The following XPO4 variants were observed in gnomAD, a reference collection of about 807,000 sequenced individuals.
XPO4 encodes exportin-4.
XPO4 carries 39 observed loss-of-function variants against 143.0 expected under a neutral mutation model. The observed-to-expected ratio is 0.27, with a 90% CI of 0.21 to 0.36. XPO4 has a LOEUF of 0.36. XPO4 is among the 10% of genes least tolerant of loss of function. XPO4 has a pLI of 1.00. For missense variants in XPO4, 907 were observed against 1,348.0 expected, an observed-to-expected ratio of 0.67 and a Z score of 5.12; for synonymous variants, 439 against 474.0, an observed-to-expected ratio of 0.93 and a Z score of 0.96.
chr13:20,885,975 G>A (rs188907539), intron 1 of XPO4, among the ~76,000 whole-genome samples: 9 of 152,226 alleles, frequency 5.9e-5, no homozygotes, highest in East Asian at 1.9e-4. Context: ...CAATTTATAC[G>A]TACAAAACAA....
At chr13:20,834,532 C>A (rs537231390) in intron 6 of XPO4, among the ~76,000 whole-genome samples, 1 of 151,522 alleles carries the variant, frequency 6.6e-6, no homozygotes, top group African/African-American at 2.4e-5. Flanking sequence ...ATGATTACAC[C>A]CCTGCACTCC....
chr13:20,792,231 A>G (rs1202288028), intron 18 of XPO4, among the ~76,000 whole-genome samples: 1 of 152,144 alleles, frequency 6.6e-6, no homozygotes, highest in East Asian at 1.9e-4. Flanking sequence ...AGATCCCCTG[A>G]GGCCAGGAGT....
chr13:20,830,768 T>C lies in XPO4; in HGVS notation c.728-3589A>G, dbSNP rs191902009. ...ATGTTTTAGTTATCAGACTGTACCA[T>C]GAAACTGCTGAAGTTGCTGCCCCGA... On this transcript the variant is annotated intron_variant, in intron 6 of 22. Coordinates refer to ENST00000255305, the MANE Select transcript of XPO4 (RefSeq NM_022459.5). 3.3e-3 allele frequency among the ~76,000 whole-genome samples: 507 copies of C among 152,286 alleles called. 4 individuals carry two copies. Among genetic ancestry groups the C allele is most frequent in the African/African-American group, 0.012 (487 of 41,558 alleles).
intron 7 of XPO4, among the ~76,000 whole-genome samples, chr13:20,823,118 T>C (rs2034078): frequency 0.38 from 57,580 of 151,980 alleles, 12,557 homozygotes; most frequent in Non-Finnish European, 0.5. Flanking sequence ...TTATTAATCT[T>C]AATCCATCCA....
intron 12 of XPO4, 44 bp downstream of exon 12, chr13:20,808,392 T>G (rs746582466): frequency 6.8e-7 from 1 of 1,480,210 alleles, no homozygotes; most frequent in African/African-American, 1.4e-5. Context: ...AGGCTTAAAT[T>G]GCTCAGTTGG....
At position 20,782,052 on chromosome 13, in the gene XPO4, A is replaced by G. The variant is rs1270805831; in HGVS notation, c.*1670T>C. 1.3e-5 allele frequency: 2 copies of G among 152,232 alleles called. No individual in the cohort carries two copies. Among genetic ancestry groups the G allele is most frequent in the African/African-American group, 4.8e-5 (2 of 41,452 alleles). The allele number at this position is 152,232 out of a possible 1,614,324, so 9.4% of individuals were successfully genotyped here. A position where few individuals can be genotyped will look rare whatever the true frequency, so the allele number is the denominator to read the frequency against. On this transcript the variant is annotated 3_prime_UTR_variant, in exon 23 of 23. Coordinates refer to ENST00000255305, the MANE Select transcript of XPO4 (RefSeq NM_022459.5). ...AAGCTAATCAAATTGAGAGAAATGT[A>G]AGTTATGGCCCAAGGCCCTGCATTC...
rs2059153130 is a variant in XPO4 at position 20,782,421 on chromosome 13, G to C, written c.*1301C>G. The C allele has an allele frequency of 6.6e-6, 1 of 152,484 alleles. No homozygotes were observed. The highest frequency in any genetic ancestry group is 2.1e-4 in the South Asian group (1 of 4,832). The allele number at this position is 152,484 out of a possible 1,614,324, so 9.4% of individuals were successfully genotyped here. On this transcript the variant is annotated 3_prime_UTR_variant, in exon 23 of 23. Transcript: ENST00000255305. Reference sequence around the variant, plus strand: ...TGGCACACTGAATTAGGGGAGCCTGGCAGCTGTATAAAAATCCTGATTAAG... The same window carrying C: ...TGGCACACTGAATTAGGGGAGCCTGCCAGCTGTATAAAAATCCTGATTAAG...
intron 10 of XPO4, 90 bp downstream of exon 10, chr13:20,809,701 C>T (rs1418497851): frequency 2.2e-6 from 3 of 1,385,220 alleles, no homozygotes; most frequent in Non-Finnish European, 1.9e-6. Context: ...GGAACCCATC[C>T]TAAATTTCTG....
chr13:20,899,498 G>A (rs576072163), intron 1 of XPO4, among the ~76,000 whole-genome samples: 6 of 152,094 alleles, frequency 3.9e-5, no homozygotes, highest in Non-Finnish European at 8.8e-5. Flanking sequence ...GCATAGAAGG[G>A]AGAATGCTTA....
intron 6 of XPO4, among the ~76,000 whole-genome samples, chr13:20,827,835 G>A (rs577002286): frequency 6.6e-6 from 1 of 152,278 alleles, no homozygotes; most frequent in South Asian, 2.1e-4. Flanking sequence ...TTTCAAACAT[G>A]CTTCAAACAG....
At chr13:20,793,883 T>C (rs2059319239) in intron 18 of XPO4, among the ~76,000 whole-genome samples, 1 of 152,208 alleles carries the variant, frequency 6.6e-6, no homozygotes, top group African/African-American at 2.4e-5. Context: ...AGAAATTATG[T>C]TACTCAAAGA....
In XPO4 at chr13:20,803,827, T is replaced by C. The variant is rs903904929; in HGVS notation, c.1818-2837A>G. 3.3e-5 allele frequency among the ~76,000 whole-genome samples: 5 copies of C among 152,114 alleles called. No homozygotes were observed. Among genetic ancestry groups the C allele is most frequent in the Non-Finnish European group, 7.4e-5 (5 of 68,020 alleles). ...GGCATCAAACCAGACTGACTCCATC[T>C]TGAGTGAGGGCTAGGAAAATGATGC... On this transcript the variant is annotated intron_variant, in intron 13 of 22. Transcript: ENST00000255305. The surrounding 1 kb of genome is among the most constrained non-coding windows in gnomAD (Gnocchi z 4.1).
chr13:20,858,001 T>C (rs1485796615), intron 3 of XPO4: 1 of 984,796 alleles, frequency 1.0e-6, no homozygotes, highest in Admixed American at 6.2e-5. Flanking sequence ...ATTCTACCTA[T>C]GCAGTATGCC....
At chr13:20,850,840 C>G (rs2060077798) in intron 4 of XPO4, 6 of 985,390 alleles carry the variant, frequency 6.1e-6, no homozygotes, top group Non-Finnish European at 6.0e-6. Context: ...CATACAGTTT[C>G]TGGCCAATGA....
At chr13:20,820,890 C>T (rs1314266486) in intron 9 of XPO4, among the ~76,000 whole-genome samples, 5 of 152,186 alleles carry the variant, frequency 3.3e-5, no homozygotes, top group African/African-American at 1.2e-4. Context: ...AAAATATCTA[C>T]ATTCTTTTTC....
In XPO4 at chr13:20,873,522, A is replaced by G. The variant is rs2060322124; in HGVS notation, c.70-4821T>C. Among the ~76,000 whole-genome samples, 4 of 152,176 alleles carry G rather than the reference A, an allele frequency of 2.6e-5. No homozygotes were observed. In the South Asian group the frequency reaches 8.3e-4, roughly 31 times the overall value. On this transcript the variant is annotated intron_variant, in intron 1 of 22. Coordinates refer to ENST00000255305, the MANE Select transcript of XPO4 (RefSeq NM_022459.5). Reference sequence around the variant, plus strand: ...TAAACAGTCACATAAATAATTCATGAGTCTATAATTTCTGCCTGCACTGAC... The same window carrying G: ...TAAACAGTCACATAAATAATTCATGGGTCTATAATTTCTGCCTGCACTGAC...
At chr13:20,807,720 A>G (rs533466992) in intron 12 of XPO4, 86 bp from the exon 13 acceptor site, 1 of 1,011,248 alleles carries the variant, frequency 9.9e-7, no homozygotes, top group Admixed American at 3.5e-5. Context: ...TTTGATTTAT[A>G]TACATCATAT....
chr13:20,828,044 C>T lies in XPO4; in HGVS notation c.728-865G>A, dbSNP rs1304369187. Among the ~76,000 whole-genome samples, 2 of 152,116 alleles carry T rather than the reference C, an allele frequency of 1.3e-5. 1 individual carries two copies. Among genetic ancestry groups the T allele is most frequent in the African/African-American group, 4.8e-5 (2 of 41,422 alleles). ...CCTGAGGTCAGGAGTTCGAGACCAGCCTGGCCAACATGGTGAAACCCATCT... is the reference window on the plus strand; with the variant it reads ...CCTGAGGTCAGGAGTTCGAGACCAGTCTGGCCAACATGGTGAAACCCATCT... On this transcript the variant is annotated intron_variant, in intron 6 of 22. Coordinates refer to ENST00000255305, the MANE Select transcript of XPO4 (RefSeq NM_022459.5).
intron 3 of XPO4, among the ~76,000 whole-genome samples, chr13:20,859,572 C>G (rs1252937791): frequency 1.3e-5 from 2 of 151,842 alleles, no homozygotes; most frequent in Non-Finnish European, 2.9e-5. Context: ...TGCACTCCAG[C>G]CTGGATGACA....
Sources: allele counts gnomAD v4.1 joint callset (sites outside exome capture counted in the v4.1 genomes callset), GRCh38; gene constraint gnomAD v4.1.1; non-coding constraint Gnocchi (gnomAD v3.1); transcripts MANE v1.5; gene names NCBI Gene and HGNC (gene_info 2026-07-23, HGNC 2026-07-21).